The following FMO4 variants were observed in gnomAD, a reference collection of about 807,000 sequenced individuals.
The protein encoded by FMO4 is flavin containing dimethylaniline monoxygenase 4.
FMO4 carries 38 observed loss-of-function variants against 43.3 expected under a neutral mutation model. That is an observed-to-expected ratio of 0.88 (90% CI 0.68 to 1.15). The LOEUF (loss-of-function observed/expected upper bound fraction) is 1.15, where lower values mean the gene tolerates loss of function less well. Among genes scored for constraint, FMO4 ranks in the 50% most tolerant of loss-of-function variants. The pLI is 0.00. For missense variants in FMO4, 631 were observed against 663.3 expected, an observed-to-expected ratio of 0.95 and a Z score of 0.54; for synonymous variants, 224 against 232.2, an observed-to-expected ratio of 0.96 and a Z score of 0.32.
chr1:171,334,796 G>T (rs1663054588), intron 8 of FMO4, 33 bp downstream of exon 8: 1 of 1,328,662 alleles, frequency 7.5e-7, no homozygotes, highest in South Asian at 1.5e-5. Flanking sequence ...CCTCTCTTTG[G>T]ATCGTAAAAT....
chr1:171,340,593 C>G (rs1429918321), intron 9 of FMO4, among the ~76,000 whole-genome samples: 1 of 152,008 alleles, frequency 6.6e-6, no homozygotes, highest in Non-Finnish European at 1.5e-5. Flanking sequence ...TTGAGTGTTC[C>G]TTTTTAGATG....
At chr1:171,337,451 C>G in intron 9 of FMO4, 26 bp downstream of exon 9, 1 of 1,469,588 alleles carries the variant, frequency 6.8e-7, no homozygotes, top group South Asian at 1.1e-5. Context: ...TGCTCTAGGG[C>G]AAACTTACAG....
At chr1:171,327,134 T>C (rs1662703061) in intron 5 of FMO4, among the ~76,000 whole-genome samples, 1 of 152,214 alleles carries the variant, frequency 6.6e-6, no homozygotes, top group Admixed American at 6.5e-5. Context: ...CATAAGTGGC[T>C]GAAAGTCCCA....
At chr1:171,336,612 GT>G (rs1289021620) in intron 8 of FMO4, among the ~76,000 whole-genome samples, 9 of 151,772 alleles carry the variant, frequency 5.9e-5, no homozygotes, top group East Asian at 1.9e-4. Flanking sequence ...TATAAAGTGG[GT>G]TTTTTTTAGA....
intron 8 of FMO4, among the ~76,000 whole-genome samples, chr1:171,336,649 G>A (rs1663130289): frequency 6.6e-6 from 1 of 152,054 alleles, no homozygotes; most frequent in African/African-American, 2.4e-5. Context: ...CATTGCCCAG[G>A]CTGGAGTGCA....
At chr1:171,331,117 C>T (rs1374755294) in intron 5 of FMO4, among the ~76,000 whole-genome samples, 1 of 152,152 alleles carries the variant, frequency 6.6e-6, no homozygotes, top group Non-Finnish European at 1.5e-5. Flanking sequence ...ATACAAATCA[C>T]ATTCTGATAG....
intron 3 of FMO4, among the ~76,000 whole-genome samples, chr1:171,321,889 A>C (rs940215500): frequency 6.6e-6 from 1 of 152,220 alleles, no homozygotes; most frequent in Admixed American, 6.5e-5. Context: ...GGGCCGCATC[A>C]GCTACCTTAT....
chr1:171,318,921 C>T (rs1244726656), intron 2 of FMO4, among the ~76,000 whole-genome samples: 2 of 152,194 alleles, frequency 1.3e-5, no homozygotes, highest in African/African-American at 4.8e-5. Flanking sequence ...AGCATGCAGA[C>T]AGGCAGGTGC....
intron 8 of FMO4, 74 bp downstream of exon 8, chr1:171,334,837 A>G (rs1174384907): frequency 1.2e-6 from 1 of 803,780 alleles, no homozygotes; most frequent in Non-Finnish European, 2.0e-6. Context: ...AAAATCAAAC[A>G]GATGTGAACT....
chr1:171,325,625 G>C (rs900420483), intron 5 of FMO4, among the ~76,000 whole-genome samples: 1 of 151,972 alleles, frequency 6.6e-6, no homozygotes. Flanking sequence ...CAGGCTTGCT[G>C]TTGATCTGGG....
At chr1:171,338,816 T>A (rs891979660) in intron 9 of FMO4, among the ~76,000 whole-genome samples, 3 of 152,202 alleles carry the variant, frequency 2.0e-5, no homozygotes, top group Non-Finnish European at 4.4e-5. Flanking sequence ...ATTTCCCCCA[T>A]TAAAATACAG....
intron 1 of FMO4, among the ~76,000 whole-genome samples, chr1:171,315,718 G>C (rs45594446): frequency 6.6e-6 from 1 of 152,134 alleles, no homozygotes; most frequent in African/African-American, 2.4e-5. Context: ...CTGTAAATAC[G>C]GATTAATTTT....
Position 171,342,075 on chromosome 1 carries a change from A to G in FMO4, c.*236A>G, listed in dbSNP as rs1663402906. 2.1e-6 allele frequency: 1 copy of G among 477,298 alleles called. No homozygotes were observed. The highest frequency in any genetic ancestry group is 3.6e-5 in the Admixed American group (1 of 27,544). 29.6% of individuals were successfully genotyped at this position (477,298 alleles called of 1,614,324 possible). A position where few individuals can be genotyped will look rare whatever the true frequency, so the allele number is the denominator to read the frequency against. On this transcript the variant is annotated 3_prime_UTR_variant, in exon 10 of 10. Coordinates refer to ENST00000367749, the MANE Select transcript of FMO4 (RefSeq NM_002022.3). Reference sequence around the variant, plus strand: ...GATTATTCTAAAATAAATATATATGATATGGTTTAGCTGTGTCCCCACCCA... The same window carrying G: ...GATTATTCTAAAATAAATATATATGGTATGGTTTAGCTGTGTCCCCACCCA...
intron 9 of FMO4, among the ~76,000 whole-genome samples, chr1:171,339,088 A>G (rs1022778120): frequency 3.9e-5 from 6 of 152,216 alleles, no homozygotes; most frequent in Admixed American, 6.5e-5. Context: ...ATGCCTTCAT[A>G]TTAATATATA....
At chr1:171,331,900 G>GT in intron 6 of FMO4, 118 bp downstream of exon 6, 1 of 780,744 alleles carries the variant, frequency 1.3e-6, no homozygotes, top group South Asian at 2.1e-5. Flanking sequence ...CACACAGTAA[G>GT]TGGGAAAAAA....
chr1:171,320,012 A>G (rs1470758969), intron 3 of FMO4, 55 bp downstream of exon 3: 1 of 1,601,400 alleles, frequency 6.2e-7, no homozygotes, highest in Non-Finnish European at 8.5e-7. Flanking sequence ...GTCTCTGCTC[A>G]GACATGGTGG....
intron 3 of FMO4, among the ~76,000 whole-genome samples, chr1:171,322,301 C>T (rs1056394988): frequency 2.6e-5 from 4 of 151,902 alleles, no homozygotes. Flanking sequence ...TGAGGAAAGG[C>T]AAAAAGGAAC....
rs1662837460 is a variant in FMO4 at position 171,330,142 on chromosome 1, T to C, written c.485-1498T>C. Reference sequence around the variant, plus strand: ...ATGACTGAATAGGAGGAAAATAATATATTCTAGAAGAGAATTTAATCTTTG... The same window carrying C: ...ATGACTGAATAGGAGGAAAATAATACATTCTAGAAGAGAATTTAATCTTTG... On this transcript the variant is annotated intron_variant, in intron 5 of 9. Transcript: ENST00000367749. 3.3e-5 allele frequency among the ~76,000 whole-genome samples: 5 copies of C among 152,328 alleles called. No homozygotes were observed. In the South Asian group the frequency reaches 1.0e-3, roughly 32 times the overall value.
chr1:171,333,212 G>A, intron 7 of FMO4: 1 of 265,930 alleles, frequency 3.8e-6, no homozygotes, highest in South Asian at 4.4e-5. Context: ...GGGTTTTTTT[G>A]TGTTGTTGAT....
Sources: gnomAD v4.1 joint callset for allele counts (sites outside exome capture counted in the v4.1 genomes callset) on GRCh38, gnomAD v4.1.1 for gene constraint, MANE v1.5 for transcripts, NCBI Gene and HGNC (gene_info 2026-07-23, HGNC 2026-07-21) for gene names.